PLEKHM3: variants seen among roughly 807,000 people sequenced by gnomAD.
PLEKHM3 encodes the protein pleckstrin homology domain containing M3, also known as pleckstrin homology domain-containing family M member 3.
PLEKHM3 carries 45 observed loss-of-function variants against 81.8 expected under a neutral mutation model. The observed-to-expected ratio is 0.55, with a 90% CI of 0.43 to 0.71. The LOEUF is 0.71. PLEKHM3 is among the 30% of genes least tolerant of loss of function. PLEKHM3 has a pLI of 0.00. For synonymous variants in PLEKHM3, 352 were observed against 356.4 expected (o/e 0.99, Z 0.14); for missense variants, 788 against 924.3 (o/e 0.85, Z 1.91).
chr2:207,979,411 G>A (rs775336970), intron 2 of PLEKHM3, among the ~76,000 whole-genome samples: 7 of 152,080 alleles, frequency 4.6e-5, no homozygotes, highest in African/African-American at 1.7e-4. Flanking sequence ...GCATGCGCCT[G>A]TAATCCCAGC....
At position 207,825,459 on chromosome 2, in the gene PLEKHM3, T is replaced by C. The variant is rs1403884684; in HGVS notation, c.*2860A>G. ...GAACACGAGGAAAAGCAGGTATTAG[T>C]TTGGTCTGAAAGAGGTGGTAATCCA... On this transcript the variant is annotated 3_prime_UTR_variant, in exon 8 of 8. Coordinates refer to ENST00000427836, the MANE Select transcript of PLEKHM3 (RefSeq NM_001080475.3). The C allele has an allele frequency of 6.6e-6, 1 of 152,244 alleles. No homozygotes were observed. The highest frequency in any genetic ancestry group is 1.5e-5 in the Non-Finnish European group (1 of 68,050). The allele number at this position is 152,244 out of a possible 1,614,324, so 9.4% of individuals were successfully genotyped here. A position where few individuals can be genotyped will look rare whatever the true frequency, so the allele number is the denominator to read the frequency against.
chr2:207,949,199 C>T (rs918811542), intron 3 of PLEKHM3, among the ~76,000 whole-genome samples: 2 of 152,234 alleles, frequency 1.3e-5, no homozygotes, highest in East Asian at 1.9e-4. Context: ...ATTAATATCG[C>T]TGTTAAAATA....
chr2:207,996,893 A>T (rs1692138265), intron 2 of PLEKHM3, among the ~76,000 whole-genome samples: 1 of 152,180 alleles, frequency 6.6e-6, no homozygotes, highest in African/African-American at 2.4e-5. Context: ...TAAAACTTTT[A>T]TTAAGTGTTC....
chr2:207,977,530 C>A lies in PLEKHM3; in HGVS notation c.667G>T (p.Asp223Tyr). ...LKKGYLEIRK[D>Y]HDSYWQSCYA... ...CAGCTTTGCCAGTAACTGTCATGGT[C>A]CTTTCTAATCTCCAGGTAACCCTTC... is the stretch of plus-strand genomic sequence containing the variant. The change falls in exon 3 of 8, where the codon GAC (aspartate) becomes TAC (tyrosine). Residue 223 changes from aspartate to tyrosine, a missense_variant. Asp to Tyr is a radical substitution (Grantham distance 160). Transcript: ENST00000427836. The A allele has an allele frequency of 2.5e-6, 4 of 1,613,754 alleles. No individual in the cohort carries two copies. Among genetic ancestry groups the A allele is most frequent in the Non-Finnish European group, 3.4e-6 (4 of 1,179,898 alleles).
At chr2:207,961,210 C>A (rs918943103) in intron 3 of PLEKHM3, among the ~76,000 whole-genome samples, 1 of 152,126 alleles carries the variant, frequency 6.6e-6, no homozygotes, top group African/African-American at 2.4e-5. Flanking sequence ...TTTGTCTGGT[C>A]TGGGGCTCAA....
chr2:207,892,449 A>C (rs1419067666), intron 6 of PLEKHM3, among the ~76,000 whole-genome samples: 2 of 152,190 alleles, frequency 1.3e-5, no homozygotes, highest in African/African-American at 2.4e-5. Flanking sequence ...ATGGGTAATA[A>C]AATTGCAGTT....
rs535105642 is a variant in PLEKHM3 at position 207,883,040 on chromosome 2, G to A, written c.1951-21778C>T. ...TGGGATTACAGGCATGAGCTACCGC[G>A]CCTGGCTGAACTACACATACTCAAC... On this transcript the variant is annotated intron_variant, in intron 6 of 7. Transcript: ENST00000427836. 6.6e-5 allele frequency among the ~76,000 whole-genome samples: 10 copies of A among 152,094 alleles called. No homozygotes were observed. In the South Asian group the frequency reaches 1.0e-3, roughly 16 times the overall value.
chr2:207,919,600 G>T (rs908752675), intron 5 of PLEKHM3, among the ~76,000 whole-genome samples: 22 of 152,096 alleles, frequency 1.4e-4, no homozygotes, highest in African/African-American at 5.3e-4. Context: ...ATGAGAGAAA[G>T]GTGTTTGGCT....
chr2:207,861,860 T>C (rs778185844), intron 6 of PLEKHM3, among the ~76,000 whole-genome samples: 59 of 152,316 alleles, frequency 3.9e-4, no homozygotes, highest in Non-Finnish European at 7.4e-4. Context: ...AATGAAGTAA[T>C]TTAAAAATTG....
intron 7 of PLEKHM3, among the ~76,000 whole-genome samples, chr2:207,836,944 TG>T (rs2092322519): frequency 6.6e-6 from 1 of 151,984 alleles, no homozygotes; most frequent in Non-Finnish European, 1.5e-5. Context: ...ACGAATGGGG[TG>T]GGGCTCAGAA....
At position 207,946,215 on chromosome 2, in the gene PLEKHM3, A is replaced by G. The variant is rs1690122552; in HGVS notation, c.1692+152T>C. ...TTAAGAAGCCTTTCAACTGTGAGAT[A>G]TATAAGAAGCATTAGGTAAGGTCTT... is the stretch of plus-strand genomic sequence containing the variant. On this transcript the variant is annotated intron_variant, in intron 4 of 7. Transcript: ENST00000427836. The G allele has an allele frequency of 3.9e-6, 3 of 766,874 alleles. No homozygotes were observed. In the Admixed American group the frequency reaches 9.0e-5, roughly 23 times the overall value. The allele number at this position is 766,874 out of a possible 1,614,324, so 47.5% of individuals were successfully genotyped here.
intron 6 of PLEKHM3, among the ~76,000 whole-genome samples, chr2:207,881,795 CCAGTGAAAAT>C (rs2092593042): frequency 1.3e-5 from 2 of 152,238 alleles, no homozygotes; most frequent in African/African-American, 4.8e-5. Flanking sequence ...CCTACTCTTT[CCAGTGAAAAT>C]CATGGAGCTA....
At chr2:207,992,404 C>T (rs1284082419) in intron 2 of PLEKHM3, among the ~76,000 whole-genome samples, 2 of 152,152 alleles carry the variant, frequency 1.3e-5, no homozygotes, top group East Asian at 3.8e-4. Flanking sequence ...AAAATTATCG[C>T]TCATTAAGTG....
chr2:208,014,116 A>G (rs1051056138), intron 1 of PLEKHM3, among the ~76,000 whole-genome samples: 1 of 152,126 alleles, frequency 6.6e-6, no homozygotes, highest in Admixed American at 6.6e-5. Context: ...TTTTGGACTT[A>G]ATCTGTGACA....
chr2:207,973,186 GGT>G (rs1691184702), intron 3 of PLEKHM3, among the ~76,000 whole-genome samples: 1 of 152,216 alleles, frequency 6.6e-6, no homozygotes, highest in African/African-American at 2.4e-5. Context: ...TTTCACTGAA[GGT>G]GTGTTTTTAT....
chr2:207,978,069 C>T (rs1360463356), intron 2 of PLEKHM3, among the ~76,000 whole-genome samples: 2 of 152,054 alleles, frequency 1.3e-5, no homozygotes, highest in African/African-American at 2.4e-5. Flanking sequence ...CTGAGTGACA[C>T]AGCAAGACTC....
chr2:207,864,186 C>T (rs536481631), intron 6 of PLEKHM3, among the ~76,000 whole-genome samples: 33 of 152,116 alleles, frequency 2.2e-4, no homozygotes, highest in African/African-American at 7.2e-4. Context: ...CATACATTTC[C>T]CACCATTCTT....
chr2:207,966,810 C>T (rs1217739252), intron 3 of PLEKHM3, among the ~76,000 whole-genome samples: 1 of 152,124 alleles, frequency 6.6e-6, no homozygotes, highest in Non-Finnish European at 1.5e-5. Context: ...ACCTCGGCCT[C>T]CCAAAGTGCT....
At chr2:207,854,174 A>G (rs2092426922) in intron 7 of PLEKHM3, among the ~76,000 whole-genome samples, 3 of 152,214 alleles carry the variant, frequency 2.0e-5, no homozygotes, top group Admixed American at 1.3e-4. Flanking sequence ...AAAAATGCCA[A>G]ATTTAGCAGA....
Sources: gnomAD v4.1 joint callset for allele counts (sites outside exome capture counted in the v4.1 genomes callset) on GRCh38, gnomAD v4.1.1 for gene constraint, MANE v1.5 for transcripts, NCBI Gene and HGNC (gene_info 2026-07-23, HGNC 2026-07-21) for gene names.